The following AASS variants were observed in gnomAD, a reference collection of about 807,000 sequenced individuals.
The protein encoded by AASS is alpha-aminoadipic semialdehyde synthase, mitochondrial.
In AASS, 86 loss-of-function variants were observed where a neutral mutation model predicts 105.4. The observed-to-expected ratio is 0.82, with a 90% CI of 0.69 to 0.98. The LOEUF is 0.98. Ranked by LOEUF, AASS falls within the 50% of genes least tolerant of loss-of-function variation. The probability of loss-of-function intolerance (pLI) is 0.00; values close to 1 mark genes in which losing one functional copy is unlikely to be tolerated. For missense variants in AASS, 1,048 were observed against 1,143.2 expected, an observed-to-expected ratio of 0.92 and a Z score of 1.20; for synonymous variants, 381 against 394.8, an observed-to-expected ratio of 0.96 and a Z score of 0.41.
chr7:122,076,213 G>A lies in AASS; in HGVS notation c.*276C>T. 1 of 344,920 alleles carries A rather than the reference G, an allele frequency of 2.9e-6. No individual in the cohort carries two copies. Among genetic ancestry groups the A allele is most frequent in the Non-Finnish European group, 5.3e-6 (1 of 187,876 alleles). 21.4% of individuals were successfully genotyped at this position (344,920 alleles called of 1,614,324 possible). On this transcript the variant is annotated 3_prime_UTR_variant, in exon 24 of 24. Transcript: ENST00000417368. ...ACAAAAAAAAAACAAAAGAAAAAAAGTGGCACAATAAATTAACAAATAGCA... is the reference window on the plus strand; with the variant it reads ...ACAAAAAAAAAACAAAAGAAAAAAAATGGCACAATAAATTAACAAATAGCA...
At chr7:122,083,429 A>G (rs1225186713) in intron 19 of AASS, among the ~76,000 whole-genome samples, 1 of 152,090 alleles carries the variant, frequency 6.6e-6, no homozygotes, top group African/African-American at 2.4e-5. Flanking sequence ...TATTTTATGT[A>G]TTCATTCATC....
intron 11 of AASS, among the ~76,000 whole-genome samples, chr7:122,102,063 C>T (rs1309250276): frequency 6.6e-6 from 1 of 151,902 alleles, no homozygotes; most frequent in Non-Finnish European, 1.5e-5. Flanking sequence ...AAAGTTCAAG[C>T]TGTTCTATTA....
At chr7:122,133,988 C>T (rs1796030241) in intron 1 of AASS, among the ~76,000 whole-genome samples, 1 of 152,160 alleles carries the variant, frequency 6.6e-6, no homozygotes, top group Non-Finnish European at 1.5e-5. Flanking sequence ...CCAATAACTG[C>T]TAAGCTAAAA....
intron 19 of AASS, 100 bp downstream of exon 19, chr7:122,085,912 G>C: frequency 1.2e-5 from 16 of 1,356,818 alleles, no homozygotes; most frequent in Admixed American, 1.7e-5. Context: ...CTCCAACTTG[G>C]TTTATCATCT....
intron 20 of AASS, among the ~76,000 whole-genome samples, chr7:122,080,233 G>C (rs1793246008): frequency 6.6e-6 from 1 of 152,132 alleles, no homozygotes; most frequent in African/African-American, 2.4e-5. Context: ...ACTTTTTCTA[G>C]GTTCCCAAAG....
chr7:122,104,320 G>A (rs1302235684), intron 11 of AASS, among the ~76,000 whole-genome samples: 2 of 152,078 alleles, frequency 1.3e-5, no homozygotes, highest in Non-Finnish European at 2.9e-5. Flanking sequence ...AATTGGCCAG[G>A]CACAGTGGCT....
At chr7:122,093,224 C>A (rs747193274) in intron 15 of AASS, 66 bp from the exon 16 acceptor site, 120 of 1,188,882 alleles carry the variant, frequency 1.0e-4, no homozygotes, top group Non-Finnish European at 1.5e-4. Flanking sequence ...GGTACTTGAA[C>A]TGTATTAAAG....
intron 18 of AASS, among the ~76,000 whole-genome samples, chr7:122,090,153 T>C (rs1793824546): frequency 6.6e-6 from 1 of 152,156 alleles, no homozygotes; most frequent in Admixed American, 6.6e-5. Context: ...TTTGGCTATG[T>C]TATGAGGGAT....
chr7:122,115,813 G>C (rs1457943489), intron 8 of AASS, among the ~76,000 whole-genome samples: 1 of 152,126 alleles, frequency 6.6e-6, no homozygotes, highest in Non-Finnish European at 1.5e-5. Flanking sequence ...AGATTTCTTA[G>C]ATTCCAAATT....
In AASS at chr7:122,078,572, C is replaced by A. The variant is rs568836654; in HGVS notation, c.2485+290G>T. ...GGTACAGTGAGCCGAGATGGAGCCA[C>A]TGCACTCCAGCCTGGTGATAGCGTG... On this transcript the variant is annotated intron_variant, in intron 22 of 23. Transcript: ENST00000417368. 2.6e-5 allele frequency among the ~76,000 whole-genome samples: 4 copies of A among 152,276 alleles called. No individual in the cohort carries two copies. The East Asian group carries it at 7.7e-4, about 29-fold the overall frequency.
At position 122,092,878 on chromosome 7, in the gene AASS, C is replaced by G. The variant is rs573271928; in HGVS notation, c.1840G>C (p.Glu614Gln). 3.1e-6 allele frequency: 5 copies of G among 1,613,928 alleles called. No homozygotes were observed. Among genetic ancestry groups the G allele is most frequent in the Non-Finnish European group, 2.5e-6 (3 of 1,179,892 alleles). The stretch of plus-strand genomic sequence containing the variant: ...ACTTCCTTGGCTTTATCTATTGTTT[C>G]CATTGCTAACATGTGATCCAGACCA... ...DPGLDHMLAMETIDKAKEVGA... is the reference protein window; with the variant it reads ...DPGLDHMLAMQTIDKAKEVGA... The change falls in exon 17 of 24, where the codon GAA becomes CAA. Residue 614 changes from glutamate to glutamine, a missense_variant. Coordinates refer to ENST00000417368, the MANE Select transcript of AASS (RefSeq NM_005763.4).
chr7:122,135,862 T>TTTTATATACAGGTTCA (rs3831775), intron 1 of AASS, among the ~76,000 whole-genome samples: 94,958 of 151,530 alleles, frequency 0.63, 31,612 homozygotes, highest in African/African-American at 0.87. Context: ...TGCTCCTAAT[T>TTTTATATACAGGTTCA]TTTATATACA....
chr7:122,101,193 C>G (rs1181647669), intron 13 of AASS, among the ~76,000 whole-genome samples, 178 bp downstream of exon 13: 2 of 151,862 alleles, frequency 1.3e-5, no homozygotes, highest in Non-Finnish European at 2.9e-5. Context: ...AAGTGGGAAA[C>G]AGTCACAGTG....
At chr7:122,105,176 C>A (rs758278939) in intron 11 of AASS, among the ~76,000 whole-genome samples, 1 of 152,020 alleles carries the variant, frequency 6.6e-6, no homozygotes, top group African/African-American at 2.4e-5. Context: ...GAAGTCATAG[C>A]AATTGTAAAT....
At chr7:122,100,815 T>C (rs1310083464) in intron 13 of AASS, among the ~76,000 whole-genome samples, 1 of 151,914 alleles carries the variant, frequency 6.6e-6, no homozygotes, top group East Asian at 1.9e-4. Context: ...GTAACTATTC[T>C]CTTGAGTAGA....
chr7:122,131,174 A>T (rs898115215), intron 2 of AASS, among the ~76,000 whole-genome samples: 1 of 151,890 alleles, frequency 6.6e-6, no homozygotes, highest in Non-Finnish European at 1.5e-5. Context: ...TTGAAAAACA[A>T]AATTAAATCA....
At chr7:122,105,123 C>T (rs1794605505) in intron 11 of AASS, among the ~76,000 whole-genome samples, 1 of 151,894 alleles carries the variant, frequency 6.6e-6, no homozygotes, top group Non-Finnish European at 1.5e-5. Flanking sequence ...AAAATTTTCA[C>T]AAGAGACAAA....
At chr7:122,118,772 T>C in intron 4 of AASS, 142 bp from the exon 5 acceptor site, 1 of 838,064 alleles carries the variant, frequency 1.2e-6, no homozygotes, top group South Asian at 1.5e-5. Context: ...CAGTAGATTG[T>C]ATCCATCCTC....
intron 15 of AASS, among the ~76,000 whole-genome samples, chr7:122,094,879 G>C (rs1794075506): frequency 6.6e-6 from 1 of 151,976 alleles, no homozygotes; most frequent in African/African-American, 2.4e-5. Flanking sequence ...TCTTGACCTA[G>C]TTTGACACTT....
Sources: allele counts gnomAD v4.1 joint callset (sites outside exome capture counted in the v4.1 genomes callset), GRCh38; gene constraint gnomAD v4.1.1; transcripts MANE v1.5; gene names NCBI Gene and HGNC (gene_info 2026-07-23, HGNC 2026-07-21).